SPAG17: variants seen among roughly 807,000 people sequenced by gnomAD.
SPAG17 encodes sperm-associated antigen 17.
Under a neutral mutation model 273.6 loss-of-function variants are expected in SPAG17, and 169 were observed. That is an observed-to-expected ratio of 0.62 (90% CI 0.55 to 0.70). The LOEUF (loss-of-function observed/expected upper bound fraction) is 0.70. Ranked by LOEUF, SPAG17 falls within the 30% of genes least tolerant of loss-of-function variation. The pLI, the probability that SPAG17 is intolerant of heterozygous loss-of-function variation, is 0.00. For synonymous variants in SPAG17, 825 were observed against 873.2 expected (o/e 0.94, Z 0.97); for missense variants, 2,557 against 2,627.8 (o/e 0.97, Z 0.59).
intron 20 of SPAG17, among the ~76,000 whole-genome samples, chr1:118,051,348 T>C (rs1240617714): frequency 6.6e-6 from 1 of 152,054 alleles, no homozygotes; most frequent in African/African-American, 2.4e-5. Context: ...TCTCAAAAAT[T>C]AGAATTAGAA....
At chr1:118,142,309 A>T (rs1323941807) in intron 3 of SPAG17, among the ~76,000 whole-genome samples, 2 of 152,190 alleles carry the variant, frequency 1.3e-5, no homozygotes, top group Non-Finnish European at 2.9e-5. Context: ...AGTGGTCATC[A>T]GGGGCCAGGG....
intron 43 of SPAG17, among the ~76,000 whole-genome samples, chr1:117,978,853 C>T (rs1038791075): frequency 6.7e-6 from 1 of 150,108 alleles, no homozygotes; most frequent in African/African-American, 2.4e-5. Flanking sequence ...TGCTACCTTA[C>T]TGGCTTCTTC....
At position 117,959,228 on chromosome 1, in the gene SPAG17, A is replaced by G. The variant is rs1652672520; in HGVS notation, c.*4571T>C. On this transcript the variant is annotated intron_variant, in intron 48 of 48. Transcript: ENST00000336338. ...TGAAGCTTTGGTTACCCTAACTCTC[A>G]TACGCTGCTATAATGAATTGAAGTG... 1.7e-5 allele frequency: 27 copies of G among 1,556,480 alleles called. 2 individuals are homozygous for G. In the South Asian group the frequency reaches 2.8e-4, roughly 16 times the overall value.
At chr1:117,994,913 A>G (rs1294681914) in intron 34 of SPAG17, among the ~76,000 whole-genome samples, 1 of 152,068 alleles carries the variant, frequency 6.6e-6, no homozygotes, top group Non-Finnish European at 1.5e-5. Context: ...TGCCACCTAT[A>G]TATACTCTGT....
In SPAG17 at chr1:117,996,624, C is replaced by A. The variant is rs1250853233; in HGVS notation, c.4896G>T (p.Gln1632His). The A allele has an allele frequency of 6.2e-7, 1 of 1,611,536 alleles. No individual in the cohort carries two copies. ...LSSMHLEKNH[Q>H]QIYGEHVPRF... ...TGGGGACATGTTCACCATAGATTTG[C>A]TGATGATTCTTTTCAAGGTGCATAG... Residue 1632 changes from glutamine to histidine, a missense_variant, in exon 33 of 49, where the codon CAG becomes CAT. By Grantham distance (24) the Gln-to-His change is conservative. Coordinates refer to ENST00000336338, the MANE Select transcript of SPAG17 (RefSeq NM_206996.4).
At position 117,953,964 on chromosome 1, in the gene SPAG17, G is replaced by T. The variant is rs1446561016; in HGVS notation, c.*86C>A. The stretch of plus-strand genomic sequence containing the variant: ...TCCAGTTTCAGTGTCCTGGGATGAT[G>T]GAGTATGTTGTGATGACTTCTTTCC... On this transcript the variant is annotated 3_prime_UTR_variant, in exon 49 of 49. Coordinates refer to ENST00000336338, the MANE Select transcript of SPAG17 (RefSeq NM_206996.4). The T allele has an allele frequency of 6.6e-7, 1 of 1,514,750 alleles. No homozygotes were observed. Among genetic ancestry groups the T allele is most frequent in the Non-Finnish European group, 9.0e-7 (1 of 1,105,884 alleles). 93.8% of individuals were successfully genotyped at this position (1,514,750 alleles called of 1,614,324 possible).
At position 117,971,964 on chromosome 1, in the gene SPAG17, C is replaced by T. The variant is rs1442296930; in HGVS notation, c.6225G>A (p.Gly2075=). The T allele has an allele frequency of 1.1e-5, 17 of 1,613,820 alleles. No homozygotes were observed. The highest frequency in any genetic ancestry group is 1.6e-4 in the Middle Eastern group (1 of 6,082). The part of the protein sequence containing the change: ...AINNAKSSLF[G]FHLLPSSVKF... ...TGACTGATGATGGGAGAAGATGGAA[C>T]CCAAAAAGGGATGACTTTGCATTAT... The change falls in exon 45 of 49, where the codon GGG becomes GGA. Residue 2075 remains glycine, a synonymous_variant. Transcript: ENST00000336338.
intron 2 of SPAG17, 36 bp from the exon 3 acceptor site, chr1:118,150,665 G>C (rs1340851255): frequency 1.6e-6 from 2 of 1,236,300 alleles, no homozygotes; most frequent in Non-Finnish European, 2.3e-6. Flanking sequence ...GATGAAAAAA[G>C]CCTTATTTGA....
intron 1 of SPAG17, among the ~76,000 whole-genome samples, chr1:118,158,577 G>T (rs1659766993): frequency 6.6e-6 from 1 of 152,094 alleles, no homozygotes. Context: ...AAAAACAAAA[G>T]AAATAAATTG....
intron 29 of SPAG17, among the ~76,000 whole-genome samples, chr1:118,015,087 C>A (rs1283357779): frequency 2.0e-5 from 3 of 151,522 alleles, no homozygotes; most frequent in African/African-American, 7.3e-5. Context: ...GAGTTGGAGG[C>A]TAGCTTGGCC....
chr1:118,002,422 G>A (rs1658397763), intron 32 of SPAG17, among the ~76,000 whole-genome samples: 1 of 152,130 alleles, frequency 6.6e-6, no homozygotes, highest in Non-Finnish European at 1.5e-5. Flanking sequence ...TGACAGTGGG[G>A]TGTTAAAATC....
intron 38 of SPAG17, among the ~76,000 whole-genome samples, chr1:117,989,051 A>G (rs1656762096): frequency 6.6e-6 from 1 of 152,180 alleles, no homozygotes; most frequent in Non-Finnish European, 1.5e-5. Context: ...TCCTTGTCCC[A>G]GAGGTTAAAA....
chr1:117,964,989 CTT>C (rs377397561), intron 47 of SPAG17: 1 of 152,218 alleles, frequency 6.6e-6, no homozygotes, highest in Admixed American at 6.5e-5. Flanking sequence ...GCTCCACTCT[CTT>C]CAGCCTACAA....
At chr1:118,132,118 G>C (rs1270150904) in intron 3 of SPAG17, among the ~76,000 whole-genome samples, 5 of 152,210 alleles carry the variant, frequency 3.3e-5, no homozygotes, top group East Asian at 3.9e-4. Context: ...AGGGTGCTGT[G>C]GTGGCCCCAG....
intron 3 of SPAG17, among the ~76,000 whole-genome samples, chr1:118,126,520 T>G (rs946253356): frequency 3.3e-5 from 5 of 151,952 alleles, no homozygotes; most frequent in Non-Finnish European, 7.4e-5. Context: ...GCCTCCTTTA[T>G]CCATTTTTTA....
Position 117,987,887 on chromosome 1 carries a change from T to G in SPAG17, c.5622-6A>C. 20 of 1,613,806 alleles carry G rather than the reference T, an allele frequency of 1.2e-5. No individual in the cohort carries two copies. Among genetic ancestry groups the G allele is most frequent in the Non-Finnish European group, 1.6e-5 (19 of 1,179,884 alleles). ...GTTTTGAGGATGCTGTGTGTCTATG[T>G]GAAAGGAAAGGAAAGTATGGTGAAA... On this transcript the variant is annotated splice_polypyrimidine_tract_variant and splice_region_variant and intron_variant, in intron 39 of 48. Coordinates refer to ENST00000336338, the MANE Select transcript of SPAG17 (RefSeq NM_206996.4).
At chr1:118,135,371 A>ATG (rs57793942) in intron 3 of SPAG17, among the ~76,000 whole-genome samples, 4,936 of 139,980 alleles carry the variant, frequency 0.035, 112 homozygotes, top group East Asian at 0.049. Flanking sequence ...AGCTCAAGCA[A>ATG]TGTGTGTGTG....
At chr1:118,027,166 A>G (rs1052338070) in intron 26 of SPAG17, among the ~76,000 whole-genome samples, 7 of 152,166 alleles carry the variant, frequency 4.6e-5, no homozygotes, top group African/African-American at 1.7e-4. Context: ...CTCAGTGAAG[A>G]CTGTCTGAGT....
intron 3 of SPAG17, among the ~76,000 whole-genome samples, chr1:118,148,097 C>A (rs1443840218): frequency 2.0e-5 from 3 of 152,164 alleles, no homozygotes; most frequent in Admixed American, 6.5e-5. Context: ...TACCATGTAA[C>A]AAAAGGAATT....
Sources: gnomAD v4.1 joint callset for allele counts (sites outside exome capture counted in the v4.1 genomes callset) on GRCh38, gnomAD v4.1.1 for gene constraint, MANE v1.5 for transcripts, NCBI Gene and HGNC (gene_info 2026-07-23, HGNC 2026-07-21) for gene names.